Variants in OCLN observed in about 807,000 individuals in gnomAD.
OCLN encodes occludin.
In OCLN, 21 loss-of-function variants were observed where a neutral mutation model predicts 47.9. The observed-to-expected ratio is 0.44, with a 90% confidence interval of 0.31 to 0.63. OCLN has a LOEUF of 0.63. Among genes scored for constraint, OCLN ranks in the 30% least tolerant of loss-of-function variants. OCLN has a pLI of 0.08. For missense variants in OCLN, 360 were observed against 571.0 expected (o/e 0.63, Z 3.77); for synonymous variants, 117 against 198.4 (o/e 0.59, Z 3.45).
chr5:69,503,198 T>C (rs1768507385), intron 1 of OCLN, among the ~76,000 whole-genome samples: 1 of 152,184 alleles, frequency 6.6e-6, no homozygotes, highest in Non-Finnish European at 1.5e-5. Context: ...GCCTCACACC[T>C]AGGTTTGCTG....
intron 4 of OCLN, among the ~76,000 whole-genome samples, chr5:69,519,323 G>C (rs1339716171): frequency 6.6e-6 from 1 of 152,188 alleles, no homozygotes; most frequent in Admixed American, 6.5e-5. Flanking sequence ...TCAGAGCAGA[G>C]GGTAGTCAAA....
At chr5:69,505,039 C>T (rs772762076) in intron 2 of OCLN, among the ~76,000 whole-genome samples, 7 of 152,114 alleles carry the variant, frequency 4.6e-5, no homozygotes, top group Non-Finnish European at 7.4e-5. Flanking sequence ...CACCTGAGGT[C>T]GGGAGTTTAA....
chr5:69,504,157 ACT>A lies in OCLN; in HGVS notation c.-68-17_-68-16del. On this transcript the variant is annotated intron_variant, in intron 1 of 8. Coordinates refer to ENST00000396442, the MANE Select transcript of OCLN (RefSeq NM_001205254.2). ...CTGTGAGCTTAGTAGTAATGCCATA[ACT>A]CTACTTTTGTTGCTTAGATTGGTTT... 3 of 889,762 alleles carry A rather than the reference ACT, an allele frequency of 3.4e-6. No homozygotes were observed. Among genetic ancestry groups the A allele is most frequent in the South Asian group, 1.3e-5 (1 of 75,236 alleles). The allele number at this position is 889,762 out of a possible 1,614,324, so 55.1% of individuals were successfully genotyped here.
chr5:69,513,805 T>C, intron 3 of OCLN, 143 bp from the exon 4 acceptor site: 1 of 750,190 alleles, frequency 1.3e-6, no homozygotes, highest in Non-Finnish European at 2.3e-6. Flanking sequence ...GAAATGTAAC[T>C]ATTTGCTTCA....
At chr5:69,532,971 A>G (rs1050241390) in intron 4 of OCLN, among the ~76,000 whole-genome samples, 15 of 106,140 alleles carry the variant, frequency 1.4e-4, no homozygotes, top group African/African-American at 5.0e-4. Flanking sequence ...CTGTCTCAAA[A>G]AAAATATATA....
chr5:69,547,583 A>AG (rs1234402639), intron 6 of OCLN, among the ~76,000 whole-genome samples: 1 of 140,142 alleles, frequency 7.1e-6, no homozygotes, highest in Non-Finnish European at 1.5e-5. Flanking sequence ...AAAAAAAAAA[A>AG]AAGAAAAGAA....
chr5:69,523,922 G>A (rs988963814), intron 4 of OCLN, among the ~76,000 whole-genome samples: 6 of 152,028 alleles, frequency 3.9e-5, no homozygotes, highest in African/African-American at 1.2e-4. Flanking sequence ...ACCAAGGTGC[G>A]TAGATCAGTT....
chr5:69,531,773 G>A (rs1199785310), intron 4 of OCLN, among the ~76,000 whole-genome samples: 1 of 152,200 alleles, frequency 6.6e-6, no homozygotes, highest in Admixed American at 6.5e-5. Flanking sequence ...GTACTTTGAG[G>A]GGTAGGTAAA....
chr5:69,531,731 T>C (rs1382190256), intron 4 of OCLN, among the ~76,000 whole-genome samples: 9 of 152,220 alleles, frequency 5.9e-5, no homozygotes, highest in Admixed American at 5.2e-4. Flanking sequence ...CCTTTCTGTC[T>C]CTGAATGTTA....
chr5:69,521,261 C>T (rs1455465467), intron 4 of OCLN, among the ~76,000 whole-genome samples: 2 of 152,194 alleles, frequency 1.3e-5, no homozygotes, highest in African/African-American at 4.8e-5. Flanking sequence ...AGTCTGTCAG[C>T]ACATAGACCT....
At chr5:69,500,403 C>CT (rs72338145) in intron 1 of OCLN, among the ~76,000 whole-genome samples, 100,980 of 142,488 alleles carry the variant, frequency 0.71, 35,847 homozygotes, top group South Asian at 0.77. Flanking sequence ...GCTTTCTTTT[C>CT]TTTTTTTTTT....
At chr5:69,495,144 G>A (rs1274251439) in intron 1 of OCLN, among the ~76,000 whole-genome samples, 3 of 152,174 alleles carry the variant, frequency 2.0e-5, no homozygotes, top group Non-Finnish European at 4.4e-5. Flanking sequence ...CCAGAAGGAA[G>A]TTTTCTTCAG....
At position 69,504,306 on chromosome 5, in the gene OCLN, A is replaced by G; in HGVS notation, c.50+12A>G. On this transcript the variant is annotated intron_variant, in intron 2 of 8. Transcript: ENST00000396442. ...AGGCCTGATGAATTGTAAGTAAATA[A>G]TTCTTTAGTTATTCTCTTTTAAAAA... is the stretch of plus-strand genomic sequence containing the variant. 6.6e-7 allele frequency: 1 copy of G among 1,515,916 alleles called. No individual in the cohort carries two copies. The highest frequency in any genetic ancestry group is 9.2e-7 in the Non-Finnish European group (1 of 1,091,656). 93.9% of individuals were successfully genotyped at this position (1,515,916 alleles called of 1,614,324 possible). A position where few individuals can be genotyped will look rare whatever the true frequency, so the allele number is the denominator to read the frequency against.
At chr5:69,512,271 G>A (rs142376020) in intron 3 of OCLN, among the ~76,000 whole-genome samples, 6 of 152,150 alleles carry the variant, frequency 3.9e-5, no homozygotes, top group Admixed American at 3.9e-4. Flanking sequence ...GAAAGCTTTC[G>A]CATGTTTATA....
At chr5:69,510,838 A>T (rs562099068) in intron 3 of OCLN, among the ~76,000 whole-genome samples, 1 of 152,316 alleles carries the variant, frequency 6.6e-6, no homozygotes, top group East Asian at 1.9e-4. Flanking sequence ...GTTTTTCCAA[A>T]GAGTTTGCAT....
chr5:69,517,397 G>A (rs186954169), intron 4 of OCLN, among the ~76,000 whole-genome samples: 89 of 150,770 alleles, frequency 5.9e-4, no homozygotes, highest in Non-Finnish European at 9.0e-4. Flanking sequence ...TGCAACCTCC[G>A]CCTCCCGGGT....
At chr5:69,534,865 T>G (rs1468417043) in intron 5 of OCLN, 26 bp downstream of exon 5, 1 of 1,537,682 alleles carries the variant, frequency 6.5e-7, no homozygotes, top group Admixed American at 1.7e-5. Flanking sequence ...CTTAGTTTGA[T>G]AGACTGAGTG....
At chr5:69,522,802 A>G (rs1769175794) in intron 4 of OCLN, among the ~76,000 whole-genome samples, 2 of 150,830 alleles carry the variant, frequency 1.3e-5, no homozygotes, top group Non-Finnish European at 2.9e-5. Flanking sequence ...ATCATAGCTT[A>G]CTACAGCCTT....
chr5:69,549,463 C>T (rs1240166734), intron 7 of OCLN, among the ~76,000 whole-genome samples: 1 of 147,436 alleles, frequency 6.8e-6, no homozygotes, highest in African/African-American at 2.5e-5. Flanking sequence ...AACAATCTCT[C>T]CAAGCAGGAG....
Sources: gnomAD v4.1 joint callset for allele counts (sites outside exome capture counted in the v4.1 genomes callset) on GRCh38, gnomAD v4.1.1 for gene constraint, MANE v1.5 for transcripts, NCBI Gene and HGNC (gene_info 2026-07-23, HGNC 2026-07-21) for gene names.